The following GRIP1 variants were observed in gnomAD, a reference collection of about 807,000 sequenced individuals.
The protein encoded by GRIP1 is glutamate receptor-interacting protein 1.
In GRIP1, 45 loss-of-function variants were observed where a neutral mutation model predicts 129.9. The observed-to-expected ratio is 0.35, with a 90% CI of 0.27 to 0.44. The LOEUF is 0.44. Among genes scored for constraint, GRIP1 ranks in the 20% least tolerant of loss-of-function variants. GRIP1 has a pLI of 1.00. For missense variants in GRIP1, 1,196 were observed against 1,396.8 expected (o/e 0.86, Z 2.29); for synonymous variants, 530 against 520.8 (o/e 1.02, Z -0.24).
At chr12:66,606,687 C>T (rs1055871460) in intron 1 of GRIP1, among the ~76,000 whole-genome samples, 2 of 152,102 alleles carry the variant, frequency 1.3e-5, no homozygotes, top group Non-Finnish European at 2.9e-5. Flanking sequence ...TTGTCCTCAT[C>T]TAAATAGGTT....
intron 1 of GRIP1, among the ~76,000 whole-genome samples, chr12:66,672,580 C>T (rs1053719768): frequency 1.3e-5 from 2 of 151,630 alleles, no homozygotes; most frequent in African/African-American, 4.8e-5. Flanking sequence ...AATAAAGCAG[C>T]AGTTACTAAT....
intron 1 of GRIP1, among the ~76,000 whole-genome samples, chr12:66,767,766 T>A (rs1018998389): frequency 3.3e-5 from 5 of 152,190 alleles, no homozygotes; most frequent in African/African-American, 1.2e-4. Flanking sequence ...GATGCTGGTG[T>A]GCCTCTCCTT....
At chr12:66,790,324 G>C (rs776628766) in intron 1 of GRIP1, among the ~76,000 whole-genome samples, 1 of 152,124 alleles carries the variant, frequency 6.6e-6, no homozygotes, top group Non-Finnish European at 1.5e-5. Flanking sequence ...TAAGTACTAT[G>C]ACAGGAACAG....
chr12:66,971,697 C>T (rs1430002722), intron 1 of GRIP1, among the ~76,000 whole-genome samples: 1 of 152,120 alleles, frequency 6.6e-6, no homozygotes, highest in African/African-American at 2.4e-5. Flanking sequence ...AAAATATAAT[C>T]ATCACAGAGA....
chr12:66,452,504 T>C (rs1242849039), intron 11 of GRIP1, among the ~76,000 whole-genome samples: 1 of 152,268 alleles, frequency 6.6e-6, no homozygotes, highest in East Asian at 1.9e-4. Context: ...TTAATTTTCA[T>C]GTGAGAAGAT....
intron 1 of GRIP1, among the ~76,000 whole-genome samples, chr12:66,935,369 G>A (rs568991749): frequency 1.1e-3 from 161 of 152,162 alleles, no homozygotes; most frequent in Non-Finnish European, 1.9e-3. Context: ...CACAATATGA[G>A]TAGCTAAATG....
At chr12:66,849,507 C>T (rs949674932) in intron 1 of GRIP1, among the ~76,000 whole-genome samples, 3 of 152,010 alleles carry the variant, frequency 2.0e-5, no homozygotes, top group Non-Finnish European at 2.9e-5. Context: ...CCAACCTACT[C>T]GAGAAACTGA....
chr12:66,600,388 A>C (rs1247398137), intron 1 of GRIP1, among the ~76,000 whole-genome samples: 1 of 152,254 alleles, frequency 6.6e-6, no homozygotes, highest in Admixed American at 6.5e-5. Context: ...CAAGGAAAGA[A>C]ATCAATCAGA....
intron 20 of GRIP1, among the ~76,000 whole-genome samples, chr12:66,377,533 G>T (rs1218345493): frequency 2.7e-5 from 4 of 149,688 alleles, no homozygotes; most frequent in African/African-American, 9.9e-5. Flanking sequence ...TCGAGACAGG[G>T]TTTCACCGTT....
At position 66,818,157 on chromosome 12, in the gene GRIP1, A is replaced by T. The variant is rs375007121; in HGVS notation, c.59-221230T>A. On this transcript the variant is annotated intron_variant, in intron 1 of 1. Transcript: ENST00000643019. Reference sequence around the variant, plus strand: ...TTACATCTAGAATATATCTTGACACATCATGCATTTGTTAGTTGGAAAATA... The same window carrying T: ...TTACATCTAGAATATATCTTGACACTTCATGCATTTGTTAGTTGGAAAATA... Among the ~76,000 whole-genome samples the T allele has an allele frequency of 1.2e-4, 18 of 152,322 alleles. 1 individual carries two copies. Among genetic ancestry groups the T allele is most frequent in the African/African-American group, 4.3e-4 (18 of 41,590 alleles).
intron 1 of GRIP1, among the ~76,000 whole-genome samples, chr12:66,887,816 G>A (rs1413520323): frequency 6.6e-6 from 1 of 152,100 alleles, no homozygotes; most frequent in Admixed American, 6.5e-5. Flanking sequence ...AGCCAGAGAA[G>A]ATATTTATTC....
chr12:66,686,719 A>G (rs2034797969), intron 1 of GRIP1, among the ~76,000 whole-genome samples: 1 of 152,196 alleles, frequency 6.6e-6, no homozygotes, highest in Non-Finnish European at 1.5e-5. Flanking sequence ...TTTTTGTGGC[A>G]TAGGAAGGAG....
chr12:66,815,854 TTCTC>T lies in GRIP1; in HGVS notation c.59-218931_59-218928del, dbSNP rs1555241803. Among the ~76,000 whole-genome samples, 31 of 116,832 alleles carry T rather than the reference TTCTC, an allele frequency of 2.7e-4. No homozygotes were observed. The East Asian group carries it at 7.7e-3, about 29-fold the overall frequency. 76.6% of individuals were successfully genotyped at this position (116,832 alleles called of 152,430 possible). On this transcript the variant is annotated intron_variant, in intron 1 of 1. Coordinates refer to the GRIP1 transcript ENST00000643019. ...TTTCTTTCTTTCTTTCTTTCTTTCT[TTCTC>T]TCTCTCTCTCTCTCTCTCTCTCTTT...
At chr12:67,003,744 A>G (rs541568369) in intron 1 of GRIP1, among the ~76,000 whole-genome samples, 2 of 152,000 alleles carry the variant, frequency 1.3e-5, no homozygotes, top group South Asian at 4.1e-4. Context: ...AAATAAAAAA[A>G]TTCCTACCAT....
intron 1 of GRIP1, among the ~76,000 whole-genome samples, chr12:66,934,448 A>ACACTGTACAGTATCTATT (rs1446635704): frequency 6.6e-6 from 1 of 152,210 alleles, no homozygotes; most frequent in Non-Finnish European, 1.5e-5. Context: ...TAAACTTACC[A>ACACTGTACAGTATCTATT]CACTGTACAG....
At chr12:66,418,788 C>T (rs1169303637) in intron 15 of GRIP1, among the ~76,000 whole-genome samples, 1 of 151,958 alleles carries the variant, frequency 6.6e-6, no homozygotes, top group African/African-American at 2.4e-5. Context: ...AAAAGACAGG[C>T]AATAACAAAT....
chr12:66,759,439 C>T (rs2037401651), intron 1 of GRIP1, among the ~76,000 whole-genome samples: 1 of 152,102 alleles, frequency 6.6e-6, no homozygotes, highest in South Asian at 2.1e-4. Context: ...TCTGACATGG[C>T]CTGGAGACAT....
chr12:66,644,204 A>G (rs10878483), intron 1 of GRIP1, among the ~76,000 whole-genome samples: 3,412 of 152,290 alleles, frequency 0.022, 131 homozygotes, highest in African/African-American at 0.077. Flanking sequence ...ACAACACGTG[A>G]TAATTATGGG....
chr12:66,384,637 T>C (rs1257868446), intron 19 of GRIP1, among the ~76,000 whole-genome samples: 2 of 152,150 alleles, frequency 1.3e-5, no homozygotes, highest in African/African-American at 2.4e-5. Context: ...TTGCTAAAGA[T>C]TATAGATAGA....
Sources: gnomAD v4.1 joint callset for allele counts (sites outside exome capture counted in the v4.1 genomes callset) on GRCh38, gnomAD v4.1.1 for gene constraint, MANE v1.5 for transcripts, NCBI Gene and HGNC (gene_info 2026-07-23, HGNC 2026-07-21) for gene names.